The following SPATS2L variants were observed in gnomAD, a reference collection of about 807,000 sequenced individuals.
SPATS2L encodes the protein SPATS2-like protein.
Under a neutral mutation model 59.6 loss-of-function variants are expected in SPATS2L, and 30 were observed. The observed-to-expected ratio is 0.50, with a 90% CI of 0.38 to 0.68. The LOEUF is 0.68. SPATS2L is among the 30% of genes least tolerant of loss of function. The pLI, the probability that SPATS2L is intolerant of heterozygous loss-of-function variation, is 0.00. For missense variants in SPATS2L, 615 were observed against 700.0 expected, an observed-to-expected ratio of 0.88 and a Z score of 1.37; for synonymous variants, 252 against 263.5, an observed-to-expected ratio of 0.96 and a Z score of 0.42.
chr2:200,416,516 G>C (rs1232407927), intron 5 of SPATS2L, 88 bp downstream of exon 5: 5 of 729,254 alleles, frequency 6.9e-6, no homozygotes, highest in Non-Finnish European at 2.1e-6. Context: ...CCAATTTTTT[G>C]CTTCTTTCAA....
intron 1 of SPATS2L, among the ~76,000 whole-genome samples, chr2:200,324,288 A>AGTGTAAG (rs2105780057): frequency 6.6e-6 from 1 of 152,148 alleles, no homozygotes; most frequent in East Asian, 1.9e-4. Context: ...TTCCTGAGGG[A>AGTGTAAG]TGTAAGTGTG....
At chr2:200,468,093 G>A (rs1012799760) in intron 10 of SPATS2L, among the ~76,000 whole-genome samples, 3 of 151,912 alleles carry the variant, frequency 2.0e-5, no homozygotes, top group African/African-American at 7.3e-5. Flanking sequence ...CATCAGCCCT[G>A]TACCACCCCA....
At chr2:200,340,741 C>T (rs1287293090) in intron 2 of SPATS2L, among the ~76,000 whole-genome samples, 1 of 152,150 alleles carries the variant, frequency 6.6e-6, no homozygotes, top group African/African-American at 2.4e-5. Context: ...TTTAGCTTGA[C>T]CTTTCATTGT....
upstream of SPATS2L, chr2:200,306,481 G>A: frequency 9.0e-6 from 9 of 1,002,376 alleles, no homozygotes; most frequent in Non-Finnish European, 1.1e-5. Flanking sequence ...GGGAGGGCGT[G>A]TGGAGGGACG....
At chr2:200,364,088 T>C (rs968007476) in intron 2 of SPATS2L, among the ~76,000 whole-genome samples, 1 of 152,152 alleles carries the variant, frequency 6.6e-6, no homozygotes, top group African/African-American at 2.4e-5. Flanking sequence ...GCTGCAGGCT[T>C]TGAAGATGGG....
intron 2 of SPATS2L, among the ~76,000 whole-genome samples, chr2:200,349,259 C>T (rs774827698): frequency 1.6e-4 from 24 of 151,954 alleles, no homozygotes; most frequent in Non-Finnish European, 2.9e-4. Flanking sequence ...AATAGCAGGA[C>T]CCTAGGGTCA....
intron 8 of SPATS2L, among the ~76,000 whole-genome samples, chr2:200,448,456 A>G (rs2085214890): frequency 6.6e-6 from 1 of 151,956 alleles, no homozygotes; most frequent in Non-Finnish European, 1.5e-5. Context: ...ACAAAAACAA[A>G]ACAACAACAA....
At chr2:200,398,820 C>A (rs1265657011) in intron 3 of SPATS2L, among the ~76,000 whole-genome samples, 3 of 152,090 alleles carry the variant, frequency 2.0e-5, no homozygotes, top group Non-Finnish European at 4.4e-5. Flanking sequence ...AGTCCTGATA[C>A]AAACTGGATG....
intron 2 of SPATS2L, among the ~76,000 whole-genome samples, chr2:200,359,874 C>G (rs1383354955): frequency 3.9e-5 from 6 of 152,204 alleles, no homozygotes; most frequent in Admixed American, 6.5e-5. Flanking sequence ...TGGACTACTC[C>G]AGACTTCTAA....
At chr2:200,392,330 C>A (rs949238125) in intron 3 of SPATS2L, among the ~76,000 whole-genome samples, 2 of 152,158 alleles carry the variant, frequency 1.3e-5, no homozygotes, top group African/African-American at 2.4e-5. Flanking sequence ...TCTGGAAAAA[C>A]CCAAAAGGAC....
rs546106174 is a variant in SPATS2L at position 200,481,848 on chromosome 2, T to G, written c.*3817T>G. On this transcript the variant is annotated 3_prime_UTR_variant, in exon 13 of 13. Transcript: ENST00000409140. ...GGCACCCGCCACCACACCTGGCTAA[T>G]TTTTTGTATTTTTAGTAGATACAGG... 6.6e-6 allele frequency: 1 copy of G among 152,306 alleles called. No individual in the cohort carries two copies. Among genetic ancestry groups the G allele is most frequent in the Admixed American group, 6.5e-5 (1 of 15,302 alleles). 9.4% of individuals were successfully genotyped at this position (152,306 alleles called of 1,614,324 possible).
At chr2:200,317,465 A>G (rs1258373771) in intron 1 of SPATS2L, among the ~76,000 whole-genome samples, 4 of 152,198 alleles carry the variant, frequency 2.6e-5, no homozygotes, top group Non-Finnish European at 5.9e-5. Context: ...ATATCTCAGT[A>G]TATCTCAATT....
intron 2 of SPATS2L, among the ~76,000 whole-genome samples, chr2:200,375,180 A>C (rs2081557539): frequency 6.6e-6 from 1 of 152,220 alleles, no homozygotes; most frequent in South Asian, 2.1e-4. Flanking sequence ...GTAGGTGCCA[A>C]CAGCAATGAA....
At chr2:200,438,504 A>C (rs115634341) in intron 6 of SPATS2L, among the ~76,000 whole-genome samples, 469 of 152,340 alleles carry the variant, frequency 3.1e-3, no homozygotes, top group African/African-American at 0.011. Flanking sequence ...TGCCACATCT[A>C]TTAAATCTCC....
At chr2:200,351,989 T>C (rs2105846000) in intron 2 of SPATS2L, among the ~76,000 whole-genome samples, 1 of 152,312 alleles carries the variant, frequency 6.6e-6, no homozygotes, top group South Asian at 2.1e-4. Flanking sequence ...TCCAGTCTGT[T>C]TGGCTACCTT....
chr2:200,352,489 A>T (rs1477686345), intron 2 of SPATS2L, among the ~76,000 whole-genome samples: 1 of 151,194 alleles, frequency 6.6e-6, no homozygotes, highest in East Asian at 1.9e-4. Context: ...ACAGCTTAGG[A>T]TCTCTTGTGA....
At chr2:200,375,306 T>G (rs1190568036) in intron 2 of SPATS2L, among the ~76,000 whole-genome samples, 1 of 152,216 alleles carries the variant, frequency 6.6e-6, no homozygotes, top group Non-Finnish European at 1.5e-5. Flanking sequence ...AAGGTTAACT[T>G]CAGTCTTTCT....
chr2:200,399,002 T>G (rs1466325244), intron 3 of SPATS2L, among the ~76,000 whole-genome samples: 2 of 152,182 alleles, frequency 1.3e-5, no homozygotes, highest in Admixed American at 1.3e-4. Context: ...TGAAGGTAAT[T>G]ATCAAAAATA....
chr2:200,367,938 T>C (rs1300382253), intron 2 of SPATS2L, among the ~76,000 whole-genome samples: 2 of 152,248 alleles, frequency 1.3e-5, no homozygotes, highest in Non-Finnish European at 2.9e-5. Context: ...TAAATTACTA[T>C]ACTTAATTTG....
Sources: allele counts gnomAD v4.1 joint callset (sites outside exome capture counted in the v4.1 genomes callset), GRCh38; gene constraint gnomAD v4.1.1; transcripts MANE v1.5; gene names NCBI Gene and HGNC (gene_info 2026-07-23, HGNC 2026-07-21).